Variants in LEKR1 observed in about 807,000 individuals in gnomAD.
LEKR1 encodes protein LEKR1.
A neutral mutation model predicts 72.4 loss-of-function variants in LEKR1; 59 were observed. The observed-to-expected ratio is 0.82, with a 90% CI of 0.66 to 1.01. The LOEUF (loss-of-function observed/expected upper bound fraction) is 1.01, where lower values mean the gene tolerates loss of function less well. Among genes scored for constraint, LEKR1 ranks in the 50% least tolerant of loss-of-function variants. LEKR1 has a pLI of 0.00. For synonymous variants in LEKR1, 257 were observed against 263.2 expected (o/e 0.98, Z 0.23); for missense variants, 728 against 759.2 (o/e 0.96, Z 0.48).
intron 3 of LEKR1, among the ~76,000 whole-genome samples, chr3:156,885,792 A>G (rs1719997190): frequency 6.6e-6 from 1 of 152,200 alleles, no homozygotes; most frequent in South Asian, 2.1e-4. Context: ...GGACCTCTGG[A>G]TGGTCAGGAT....
At chr3:157,022,166 A>G (rs115693093) in intron 10 of LEKR1, among the ~76,000 whole-genome samples, 480 of 152,318 alleles carry the variant, frequency 3.2e-3, no homozygotes, top group African/African-American at 0.011. Flanking sequence ...TATGACTGGC[A>G]TGAGACTGTT....
intron 3 of LEKR1, among the ~76,000 whole-genome samples, chr3:156,876,258 G>T (rs149840784): frequency 6.6e-6 from 1 of 152,090 alleles, no homozygotes; most frequent in Admixed American, 6.6e-5. Context: ...TTGAAGTTGG[G>T]TAATGTGATG....
intron 9 of LEKR1, among the ~76,000 whole-genome samples, chr3:157,003,499 T>C (rs1732176149): frequency 1.3e-5 from 2 of 152,334 alleles, no homozygotes; most frequent in South Asian, 4.1e-4. Flanking sequence ...TGGTTCCCTC[T>C]GCAGGATCCA....
At chr3:156,930,671 T>C (rs1725147241) in intron 5 of LEKR1, among the ~76,000 whole-genome samples, 1 of 152,112 alleles carries the variant, frequency 6.6e-6, no homozygotes, top group African/African-American at 2.4e-5. Flanking sequence ...TTAAACATCA[T>C]CTAAGATTTA....
At chr3:156,888,887 G>A (rs1720373147) in intron 3 of LEKR1, among the ~76,000 whole-genome samples, 1 of 152,130 alleles carries the variant, frequency 6.6e-6, no homozygotes, top group South Asian at 2.1e-4. Flanking sequence ...CTTTGTTAAT[G>A]TCTTTGAAAA....
chr3:156,951,486 C>CGAA (rs1727150843), intron 6 of LEKR1, among the ~76,000 whole-genome samples: 2 of 151,460 alleles, frequency 1.3e-5, no homozygotes, highest in Admixed American at 6.6e-5. Flanking sequence ...CCATCAGCTC[C>CGAA]TGGGGTTTTT....
In LEKR1 at chr3:156,993,075, C is replaced by T. The variant is rs757718311; in HGVS notation, c.907C>T (p.His303Tyr). The part of the protein sequence containing the change: ...KFESIISESQ[H>Y]TMLLKEKEDS... ...GGTGTTTTTCCTATTTCTTTTTAGG[C>T]ATACTATGCTGCTTAAGGAAAAAGA... The change falls in exon 9 of 13, where the codon CAT (histidine) becomes TAT (tyrosine). Residue 303 changes from histidine (H) to tyrosine (Y), a missense_variant and splice_region_variant. Physicochemically the swap from His to Tyr is moderately conservative, Grantham distance 83. Transcript: ENST00000356539. The T allele has an allele frequency of 6.4e-7, 1 of 1,557,890 alleles. No homozygotes were observed. The highest frequency in any genetic ancestry group is 2.3e-5 in the East Asian group (1 of 44,444).
chr3:156,971,497 A>G (rs1359911092), intron 6 of LEKR1, among the ~76,000 whole-genome samples: 1 of 152,214 alleles, frequency 6.6e-6, no homozygotes, highest in Non-Finnish European at 1.5e-5. Context: ...AATGGGATCT[A>G]ATTGAACTAA....
chr3:157,006,772 C>T (rs950381811), intron 9 of LEKR1, among the ~76,000 whole-genome samples: 9 of 152,330 alleles, frequency 5.9e-5, no homozygotes, highest in African/African-American at 2.2e-4. Flanking sequence ...TACTGTATGA[C>T]TTCAGAATCA....
chr3:156,884,410 T>C (rs541922987), intron 3 of LEKR1, among the ~76,000 whole-genome samples: 33 of 152,298 alleles, frequency 2.2e-4, no homozygotes, highest in African/African-American at 7.7e-4. Context: ...TTGATTTTGG[T>C]ATATTTCACG....
At chr3:156,913,586 G>A (rs969703868) in intron 3 of LEKR1, among the ~76,000 whole-genome samples, 6 of 152,134 alleles carry the variant, frequency 3.9e-5, no homozygotes, top group African/African-American at 1.4e-4. Flanking sequence ...AGTGGTACTA[G>A]CTGTAGCTAA....
intron 3 of LEKR1, among the ~76,000 whole-genome samples, chr3:156,891,061 G>T (rs1384863197): frequency 1.3e-5 from 2 of 150,736 alleles, no homozygotes; most frequent in African/African-American, 4.9e-5. Context: ...AGTAGAGATG[G>T]GGTTTTGCCA....
At chr3:157,038,754 T>A (rs1248554750) in intron 12 of LEKR1, among the ~76,000 whole-genome samples, 1 of 152,190 alleles carries the variant, frequency 6.6e-6, no homozygotes, top group Non-Finnish European at 1.5e-5. Context: ...AGATATAAAA[T>A]TATTTTGAAT....
chr3:156,937,735 T>C (rs923265713), intron 5 of LEKR1, among the ~76,000 whole-genome samples: 8 of 152,234 alleles, frequency 5.3e-5, no homozygotes, highest in African/African-American at 1.9e-4. Flanking sequence ...ATAGCGGCTG[T>C]AGTCATAATA....
chr3:156,941,549 G>A (rs1025868470), intron 5 of LEKR1, among the ~76,000 whole-genome samples: 2 of 152,034 alleles, frequency 1.3e-5, no homozygotes, highest in African/African-American at 4.8e-5. Context: ...GGCACCAAGA[G>A]CAATAAACGA....
chr3:157,004,529 G>A (rs569093334), intron 9 of LEKR1, among the ~76,000 whole-genome samples: 19 of 152,042 alleles, frequency 1.2e-4, no homozygotes, highest in South Asian at 2.1e-4. Flanking sequence ...TTTTCCCGCC[G>A]TGGTTATACA....
intron 12 of LEKR1, among the ~76,000 whole-genome samples, chr3:157,034,863 A>G (rs2108042443): frequency 6.6e-6 from 1 of 152,152 alleles, no homozygotes; most frequent in Middle Eastern, 3.4e-3. Flanking sequence ...CCCAGGCTGG[A>G]GTGCAGTGGC....
chr3:156,924,676 C>T, intron 4 of LEKR1: 5 of 434,800 alleles, frequency 1.1e-5, no homozygotes, highest in Non-Finnish European at 2.0e-5. Flanking sequence ...CGTGGATATT[C>T]AATTGTTCCA....
At chr3:156,994,991 T>C (rs935862899) in intron 9 of LEKR1, among the ~76,000 whole-genome samples, 1 of 152,246 alleles carries the variant, frequency 6.6e-6, no homozygotes, top group Admixed American at 6.5e-5. Flanking sequence ...CTCTCGTCAG[T>C]ATGACAGATC....
Sources: allele counts gnomAD v4.1 joint callset (sites outside exome capture counted in the v4.1 genomes callset), GRCh38; gene constraint gnomAD v4.1.1; transcripts MANE v1.5; gene names NCBI Gene and HGNC (gene_info 2026-07-23, HGNC 2026-07-21).